The following JMJD1C variants were observed in gnomAD, a reference collection of about 807,000 sequenced individuals.
The protein encoded by JMJD1C is jumonji domain containing 1C, also known as jumonji domain-containing protein 1C.
In JMJD1C, 31 loss-of-function variants were observed where a neutral mutation model predicts 245.3. The ratio of observed to expected loss-of-function variants is 0.13; its 90% CI spans 0.09 to 0.17. The LOEUF (loss-of-function observed/expected upper bound fraction) is 0.17. JMJD1C is among the 10% of genes least tolerant of loss of function. JMJD1C has a pLI of 1.00. For missense variants in JMJD1C, 2,691 were observed against 3,000.2 expected, an observed-to-expected ratio of 0.90 and a Z score of 2.41; for synonymous variants, 1,057 against 1,017.4, an observed-to-expected ratio of 1.04 and a Z score of -0.74.
At chr10:63,319,001 A>C (rs1463202909) in intron 2 of JMJD1C, among the ~76,000 whole-genome samples, 1 of 152,056 alleles carries the variant, frequency 6.6e-6, no homozygotes, top group Non-Finnish European at 1.5e-5. Flanking sequence ...AAACCTTAAA[A>C]AATGCTCCCA....
At chr10:63,494,953 C>T (rs1954307636) in intron 1 of JMJD1C, among the ~76,000 whole-genome samples, 1 of 152,162 alleles carries the variant, frequency 6.6e-6, no homozygotes, top group Admixed American at 6.5e-5. Flanking sequence ...TGTCCCACTT[C>T]CCTCTGTATG....
At chr10:63,448,578 T>C (rs1022808916) in intron 1 of JMJD1C, among the ~76,000 whole-genome samples, 4 of 152,224 alleles carry the variant, frequency 2.6e-5, no homozygotes, top group African/African-American at 9.6e-5. Flanking sequence ...TTAAAAACAT[T>C]AGAACCTGAA....
chr10:63,289,267 T>C (rs918234838), intron 2 of JMJD1C, among the ~76,000 whole-genome samples: 3 of 151,980 alleles, frequency 2.0e-5, no homozygotes, highest in Non-Finnish European at 2.9e-5. Flanking sequence ...TTCATAGTCA[T>C]GTAACAAGAC....
intron 1 of JMJD1C, among the ~76,000 whole-genome samples, chr10:63,502,254 A>G (rs1954582482): frequency 6.6e-6 from 1 of 152,210 alleles, no homozygotes; most frequent in Non-Finnish European, 1.5e-5. Context: ...CAGCAGCTGC[A>G]CATCAGTAAC....
chr10:63,358,571 G>T (rs1945062630), intron 2 of JMJD1C, among the ~76,000 whole-genome samples: 1 of 151,544 alleles, frequency 6.6e-6, no homozygotes, highest in Admixed American at 6.6e-5. Flanking sequence ...GGGAAAAACG[G>T]AAAAAAGAAA....
At chr10:63,201,919 A>G (rs940192052) in intron 10 of JMJD1C, among the ~76,000 whole-genome samples, 6 of 148,668 alleles carry the variant, frequency 4.0e-5, no homozygotes, top group African/African-American at 1.5e-4. Context: ...ACAGAGCAAG[A>G]CTCCGTCCAA....
chr10:63,513,917 GATAAAATAAA>G (rs566826128), intron 1 of JMJD1C, among the ~76,000 whole-genome samples: 4 of 151,378 alleles, frequency 2.6e-5, no homozygotes, highest in Non-Finnish European at 5.9e-5. Flanking sequence ...TAGCTCAAAA[GATAAAATAAA>G]ATAAAATAAA....
intron 2 of JMJD1C, among the ~76,000 whole-genome samples, chr10:63,287,450 T>C (rs1011301155): frequency 1.3e-5 from 2 of 152,134 alleles, no homozygotes; most frequent in African/African-American, 2.4e-5. Flanking sequence ...TTAGAAACAT[T>C]AGAAAACAAA....
intron 20 of JMJD1C, among the ~76,000 whole-genome samples, chr10:63,184,952 C>T (rs1843947578): frequency 6.6e-6 from 1 of 152,132 alleles, no homozygotes; most frequent in African/African-American, 2.4e-5. Context: ...AGGTCCTAAA[C>T]AGGGTCCTGT....
chr10:63,345,315 T>C (rs1048367442), intron 2 of JMJD1C, among the ~76,000 whole-genome samples: 2 of 152,014 alleles, frequency 1.3e-5, no homozygotes, highest in African/African-American at 4.8e-5. Context: ...GGTGAAACCC[T>C]GTCTCTACTA....
At chr10:63,197,959 A>C (rs1845632473) in intron 12 of JMJD1C, among the ~76,000 whole-genome samples, 1 of 152,226 alleles carries the variant, frequency 6.6e-6, no homozygotes, top group African/African-American at 2.4e-5. Context: ...AGTCATTGCT[A>C]AGTGTCCCCT....
At chr10:63,174,769 G>A (rs1161790893) in intron 24 of JMJD1C, among the ~76,000 whole-genome samples, 4 of 152,206 alleles carry the variant, frequency 2.6e-5, no homozygotes, top group South Asian at 2.1e-4. Flanking sequence ...GGAAGGCAGA[G>A]GTTGCAGTGA....
intron 1 of JMJD1C, among the ~76,000 whole-genome samples, chr10:63,417,104 T>C (rs1949852180): frequency 6.6e-6 from 1 of 152,138 alleles, no homozygotes; most frequent in Non-Finnish European, 1.5e-5. Flanking sequence ...GTGATCAAAG[T>C]CACTGACGGC....
At chr10:63,199,482 C>A (rs192235896) in intron 11 of JMJD1C, among the ~76,000 whole-genome samples, 99 of 152,234 alleles carry the variant, frequency 6.5e-4, no homozygotes, top group Non-Finnish European at 5.4e-4. Context: ...ATTATTCTTT[C>A]CAAAGCTTCC....
intron 2 of JMJD1C, among the ~76,000 whole-genome samples, chr10:63,299,541 T>C (rs981600786): frequency 6.6e-6 from 1 of 151,876 alleles, no homozygotes; most frequent in East Asian, 1.9e-4. Context: ...AATGGTTAAT[T>C]AACAACAAAA....
intron 16 of JMJD1C, among the ~76,000 whole-genome samples, chr10:63,192,569 C>A (rs1844967115): frequency 6.6e-6 from 1 of 151,994 alleles, no homozygotes; most frequent in Non-Finnish European, 1.5e-5. Flanking sequence ...ACTCCGTGCT[C>A]CCCGACCCCT....
intron 1 of JMJD1C, among the ~76,000 whole-genome samples, chr10:63,450,908 TCA>T (rs1033337986): frequency 1.6e-5 from 2 of 125,174 alleles, no homozygotes; most frequent in South Asian, 3.4e-4. Context: ...CCTAACAATT[TCA>T]CACACACACA....
intron 2 of JMJD1C, among the ~76,000 whole-genome samples, chr10:63,331,875 C>T (rs747024648): frequency 3.3e-5 from 5 of 152,168 alleles, no homozygotes; most frequent in Non-Finnish European, 7.3e-5. Context: ...TTGCCTCAGC[C>T]TCCCAAAGTG....
At chr10:63,473,050 TG>T (rs1953543838) in intron 1 of JMJD1C, among the ~76,000 whole-genome samples, 1 of 152,222 alleles carries the variant, frequency 6.6e-6, no homozygotes, top group Admixed American at 6.5e-5. Context: ...CCCAAAGTGC[TG>T]GGATTACGGG....
Sources: allele counts gnomAD v4.1 joint callset (sites outside exome capture counted in the v4.1 genomes callset), GRCh38; gene constraint gnomAD v4.1.1; transcripts MANE v1.5; gene names NCBI Gene and HGNC (gene_info 2026-07-23, HGNC 2026-07-21).